The following TENM4 variants were observed in gnomAD, a reference collection of about 807,000 sequenced individuals.
TENM4 encodes teneurin transmembrane protein 4, also known as teneurin-4.
Under a neutral mutation model 243.3 loss-of-function variants are expected in TENM4, and 82 were observed. The observed-to-expected ratio is 0.34, with a 90% CI of 0.28 to 0.40. The LOEUF is 0.40. TENM4 is among the 10% of genes least tolerant of loss of function. The pLI is 1.00. For missense variants in TENM4, 3,138 were observed against 3,673.3 expected, an observed-to-expected ratio of 0.85 and a Z score of 3.77; for synonymous variants, 1,412 against 1,456.3, an observed-to-expected ratio of 0.97 and a Z score of 0.69.
At chr11:79,384,599 G>C (rs1484102148) in intron 1 of TENM4, among the ~76,000 whole-genome samples, 1 of 152,150 alleles carries the variant, frequency 6.6e-6, no homozygotes, top group Non-Finnish European at 1.5e-5. Context: ...CCTGCACAGT[G>C]AGGCATTAAA....
At chr11:79,301,436 T>A (rs1195532076) in intron 1 of TENM4, among the ~76,000 whole-genome samples, 1 of 152,168 alleles carries the variant, frequency 6.6e-6, no homozygotes, top group Non-Finnish European at 1.5e-5. Context: ...CTGACCCAAA[T>A]GAACTCTTCA....
intron 28 of TENM4, among the ~76,000 whole-genome samples, chr11:78,690,395 C>G (rs1858791558): frequency 6.6e-6 from 1 of 152,164 alleles, no homozygotes; most frequent in Admixed American, 6.5e-5. Context: ...AAAATATTGA[C>G]AGTGGTTATC....
At chr11:78,898,853 C>T (rs1161894261) in intron 7 of TENM4, among the ~76,000 whole-genome samples, 1 of 152,146 alleles carries the variant, frequency 6.6e-6, no homozygotes, top group East Asian at 1.9e-4. Context: ...AATGTCTTAC[C>T]TGGTAGACAC....
intron 1 of TENM4, among the ~76,000 whole-genome samples, chr11:79,413,038 T>G (rs1858735194): frequency 1.3e-5 from 2 of 152,236 alleles, no homozygotes; most frequent in South Asian, 4.1e-4. Context: ...CATGTCCTAA[T>G]GATGTGGTAA....
intron 3 of TENM4, among the ~76,000 whole-genome samples, chr11:79,205,691 C>G (rs543112006): frequency 6.6e-6 from 1 of 152,310 alleles, no homozygotes; most frequent in African/African-American, 2.4e-5. Flanking sequence ...CATGAATGGA[C>G]CACAGTTCAC....
chr11:78,975,364 G>A (rs1303131068), intron 6 of TENM4, among the ~76,000 whole-genome samples: 1 of 152,010 alleles, frequency 6.6e-6, no homozygotes, highest in African/African-American at 2.4e-5. Flanking sequence ...ATGGGATGTG[G>A]GAGAGAGGAA....
intron 6 of TENM4, among the ~76,000 whole-genome samples, chr11:78,988,226 G>A (rs990093282): frequency 1.3e-5 from 2 of 152,200 alleles, no homozygotes; most frequent in Non-Finnish European, 2.9e-5. Context: ...GGGTCCATGT[G>A]TAAGAAACTG....
chr11:79,237,682 A>C (rs1337193670), intron 2 of TENM4, among the ~76,000 whole-genome samples: 1 of 152,226 alleles, frequency 6.6e-6, no homozygotes, highest in Non-Finnish European at 1.5e-5. Context: ...GTCTCAAAAA[A>C]ATAAAAAAAT....
intron 32 of TENM4, among the ~76,000 whole-genome samples, chr11:78,665,695 T>G (rs1858140685): frequency 6.6e-6 from 1 of 152,230 alleles, no homozygotes; most frequent in Admixed American, 6.5e-5. Context: ...GCCAGTTACT[T>G]TAGCTCTCTG....
chr11:78,898,032 T>C (rs1191301505), intron 7 of TENM4, among the ~76,000 whole-genome samples: 2 of 152,214 alleles, frequency 1.3e-5, no homozygotes, highest in African/African-American at 4.8e-5. Context: ...GGGAAATCAA[T>C]TAAGTGTCTG....
At chr11:79,399,730 C>T (rs186962091) in intron 1 of TENM4, among the ~76,000 whole-genome samples, 1 of 152,190 alleles carries the variant, frequency 6.6e-6, no homozygotes, top group Non-Finnish European at 1.5e-5. Context: ...TGGAAACAGA[C>T]GTAGAGTCAA....
chr11:79,259,983 C>T (rs1855768835), intron 2 of TENM4, among the ~76,000 whole-genome samples: 1 of 152,200 alleles, frequency 6.6e-6, no homozygotes, highest in Non-Finnish European at 1.5e-5. Context: ...TAATAATCAA[C>T]TTAGTGGGAT....
intron 4 of TENM4, among the ~76,000 whole-genome samples, chr11:79,148,170 T>C (rs72935346): frequency 0.055 from 8,422 of 152,170 alleles, 337 homozygotes; most frequent in Non-Finnish European, 0.078. Context: ...GGGTGGGAGC[T>C]GCTCTTGAAA....
intron 3 of TENM4, among the ~76,000 whole-genome samples, chr11:79,175,266 T>G (rs11237749): frequency 6.6e-6 from 1 of 152,052 alleles, no homozygotes; most frequent in African/African-American, 2.4e-5. Flanking sequence ...AAGCAAGCCA[T>G]GGATTTATAT....
intron 6 of TENM4, among the ~76,000 whole-genome samples, chr11:79,041,415 A>G (rs1234142189): frequency 6.6e-6 from 1 of 151,826 alleles, no homozygotes; most frequent in African/African-American, 2.4e-5. Flanking sequence ...AGGAATGAGA[A>G]TACCTACCTC....
chr11:78,684,982 C>T (rs898199742), intron 29 of TENM4, among the ~76,000 whole-genome samples: 2 of 152,138 alleles, frequency 1.3e-5, no homozygotes, highest in African/African-American at 4.8e-5. Context: ...TCATGGGAAA[C>T]CCTCACTGAA....
intron 4 of TENM4, among the ~76,000 whole-genome samples, chr11:79,081,730 GAC>G (rs1183299412): frequency 3.3e-5 from 5 of 152,156 alleles, no homozygotes; most frequent in Non-Finnish European, 5.9e-5. Flanking sequence ...GCTCGTGGCT[GAC>G]ACAGGTTTCA....
intron 19 of TENM4, among the ~76,000 whole-genome samples, chr11:78,744,669 G>A (rs1223715778): frequency 1.3e-5 from 2 of 152,156 alleles, no homozygotes; most frequent in East Asian, 1.9e-4. Context: ...TTGATTGCAC[G>A]CCCTTTCTGT....
chr11:79,307,136 T>C (rs996057358), intron 1 of TENM4, among the ~76,000 whole-genome samples: 3 of 152,114 alleles, frequency 2.0e-5, no homozygotes, highest in African/African-American at 7.2e-5. Flanking sequence ...AACAACCCTA[T>C]AAAGTCGGTT....
Sources: allele counts gnomAD v4.1 joint callset (sites outside exome capture counted in the v4.1 genomes callset), GRCh38; gene constraint gnomAD v4.1.1; transcripts MANE v1.5; gene names NCBI Gene and HGNC (gene_info 2026-07-23, HGNC 2026-07-21).